Variants in MBNL1 observed in about 807,000 individuals in gnomAD.
MBNL1 encodes the protein muscleblind-like protein 1.
MBNL1 carries 8 observed loss-of-function variants against 42.2 expected under a neutral mutation model. The ratio of observed to expected loss-of-function variants is 0.19; its 90% CI spans 0.11 to 0.34. The LOEUF (loss-of-function observed/expected upper bound fraction) is 0.34. Among genes scored for constraint, MBNL1 ranks in the 10% least tolerant of loss-of-function variants. The pLI is 1.00. For missense variants in MBNL1, 309 were observed against 495.3 expected, an observed-to-expected ratio of 0.62 and a Z score of 3.57; for synonymous variants, 169 against 173.9, an observed-to-expected ratio of 0.97 and a Z score of 0.22.
chr3:152,281,808 A>T (rs908717476), intron 1 of MBNL1, among the ~76,000 whole-genome samples: 1 of 152,156 alleles, frequency 6.6e-6, no homozygotes, highest in African/African-American at 2.4e-5. Flanking sequence ...TCATTTTTTC[A>T]TCACTAAAAC....
chr3:152,341,659 A>G (rs546344357), intron 2 of MBNL1, among the ~76,000 whole-genome samples: 7 of 152,300 alleles, frequency 4.6e-5, no homozygotes, highest in Middle Eastern at 3.4e-3. Flanking sequence ...AATGTTTATA[A>G]TTGAGATTGA....
rs564241603 is a variant in MBNL1 at position 152,431,098 on chromosome 3, C to T, written c.346-1619C>T. Reference sequence around the variant, plus strand: ...TTGTTTCCCAAGCAATTTTTGAGGTCAACAGAAGAGTTCCCTAAGAAAGGC... The same window carrying T: ...TTGTTTCCCAAGCAATTTTTGAGGTTAACAGAAGAGTTCCCTAAGAAAGGC... On this transcript the variant is annotated intron_variant, in intron 3 of 9. Transcript: ENST00000324210. 6.6e-5 allele frequency among the ~76,000 whole-genome samples: 10 copies of T among 152,236 alleles called. No individual in the cohort carries two copies. The South Asian group carries it at 2.1e-3, about 32-fold the overall frequency.
At chr3:152,308,666 T>C (rs531183287) in intron 2 of MBNL1, among the ~76,000 whole-genome samples, 2 of 152,284 alleles carry the variant, frequency 1.3e-5, no homozygotes, top group African/African-American at 4.8e-5. Flanking sequence ...CTGGGCCCTG[T>C]CTACTGCAGA....
chr3:152,439,200 A>G (rs969247837), intron 4 of MBNL1, among the ~76,000 whole-genome samples: 1 of 152,342 alleles, frequency 6.6e-6, no homozygotes, highest in Middle Eastern at 3.4e-3. Context: ...CATTACTTAC[A>G]CAGAAGAATC....
At chr3:152,440,610 C>A (rs2099133863) in intron 4 of MBNL1, among the ~76,000 whole-genome samples, 1 of 152,110 alleles carries the variant, frequency 6.6e-6, no homozygotes, top group Admixed American at 6.5e-5. Context: ...GGGACACAGC[C>A]AAACCATATC....
intron 2 of MBNL1, among the ~76,000 whole-genome samples, chr3:152,361,475 G>A (rs1272274178): frequency 6.6e-6 from 1 of 150,884 alleles, no homozygotes; most frequent in African/African-American, 2.4e-5. Flanking sequence ...TTTAAGTCAA[G>A]GAAGCATGAA....
At chr3:152,337,989 A>ATT (rs11421030) in intron 2 of MBNL1, 1,810 of 665,006 alleles carry the variant, frequency 2.7e-3, no homozygotes, top group South Asian at 4.6e-3. Context: ...GCACCCTGGG[A>ATT]TTTTTTTTTT....
chr3:152,301,807 G>C (rs1009589011), intron 2 of MBNL1: 2 of 152,096 alleles, frequency 1.3e-5, no homozygotes, highest in Non-Finnish European at 2.9e-5. Flanking sequence ...TAGAGACTGA[G>C]ACCCATAAAA....
intron 2 of MBNL1, among the ~76,000 whole-genome samples, chr3:152,259,779 A>G (rs2035967057): frequency 2.6e-5 from 4 of 152,256 alleles, no homozygotes. Flanking sequence ...CAAATGAAGA[A>G]GAATTCAATG....
chr3:152,365,211 T>C (rs1030592578), intron 2 of MBNL1, among the ~76,000 whole-genome samples: 1 of 152,164 alleles, frequency 6.6e-6, no homozygotes, highest in African/African-American at 2.4e-5. Flanking sequence ...CAAAAACGCT[T>C]GTCAGTTCAT....
chr3:152,392,841 T>C (rs1382460702), intron 2 of MBNL1, among the ~76,000 whole-genome samples: 1 of 152,238 alleles, frequency 6.6e-6, no homozygotes, highest in Non-Finnish European at 1.5e-5. Context: ...TTATATGAGA[T>C]GTAAAAATAT....
chr3:152,310,087 T>C (rs1300390949), intron 2 of MBNL1, among the ~76,000 whole-genome samples: 1 of 152,158 alleles, frequency 6.6e-6, no homozygotes, highest in African/African-American at 2.4e-5. Context: ...GCATAGTCAG[T>C]GTAGGAGGAG....
chr3:152,316,311 G>T (rs898835877), intron 2 of MBNL1, among the ~76,000 whole-genome samples: 11 of 152,218 alleles, frequency 7.2e-5, no homozygotes, highest in African/African-American at 2.7e-4. Flanking sequence ...GTTGAAAGTA[G>T]AGAGTGTAAG....
Position 152,365,293 on chromosome 3 carries a change from C to T in MBNL1, c.175-49648C>T, listed in dbSNP as rs543251032. On this transcript the variant is annotated intron_variant, in intron 2 of 9. Transcript: ENST00000324210. ...TTTTTTTTTATAACCCCTCTTATCACTTGATTATGTGAATAGTTACCACAT... is the reference window on the plus strand; with the variant it reads ...TTTTTTTTTATAACCCCTCTTATCATTTGATTATGTGAATAGTTACCACAT... Among the ~76,000 whole-genome samples, 3 of 152,064 alleles carry T rather than the reference C, an allele frequency of 2.0e-5. 1 individual carries two copies. The highest frequency in any genetic ancestry group is 7.2e-5 in the African/African-American group (3 of 41,484).
rs933771023 is a variant in MBNL1 at position 152,269,050 on chromosome 3, C to G, written c.-832C>G. 1 of 455,972 alleles carries G rather than the reference C, an allele frequency of 2.2e-6. No homozygotes were observed. The highest frequency in any genetic ancestry group is 4.4e-6 in the Non-Finnish European group (1 of 226,944). 28.2% of individuals were successfully genotyped at this position (455,972 alleles called of 1,614,324 possible). On this transcript the variant is annotated 5_prime_UTR_variant, in exon 1 of 10. Transcript: ENST00000324210. ...CATGACTCCCACAATGCCTTGGGCACTTGGTCGACAGTGGGGCCGCCTCTG... is the reference window on the plus strand; with the variant it reads ...CATGACTCCCACAATGCCTTGGGCAGTTGGTCGACAGTGGGGCCGCCTCTG...
At chr3:152,283,219 A>G (rs1394998119) in intron 1 of MBNL1, among the ~76,000 whole-genome samples, 3 of 152,190 alleles carry the variant, frequency 2.0e-5, no homozygotes, top group Non-Finnish European at 4.4e-5. Flanking sequence ...AATGAGCTTT[A>G]CTTGGTGGGG....
At chr3:152,448,461 C>T (rs891221904) in intron 6 of MBNL1, among the ~76,000 whole-genome samples, 10 of 152,028 alleles carry the variant, frequency 6.6e-5, no homozygotes, top group African/African-American at 1.9e-4. Flanking sequence ...ATTTAATTAC[C>T]TGGAAATTTA....
At chr3:152,366,505 A>G (rs1398253237) in intron 2 of MBNL1, among the ~76,000 whole-genome samples, 1 of 152,184 alleles carries the variant, frequency 6.6e-6, no homozygotes, top group Non-Finnish European at 1.5e-5. Flanking sequence ...TTGAATGTTG[A>G]TGCTATGGAA....
chr3:152,350,973 A>G (rs1033588050), intron 2 of MBNL1, among the ~76,000 whole-genome samples: 2 of 152,152 alleles, frequency 1.3e-5, no homozygotes, highest in Non-Finnish European at 2.9e-5. Flanking sequence ...CCTATCGATC[A>G]TAGTACAAGG....
Sources: allele counts gnomAD v4.1 joint callset (sites outside exome capture counted in the v4.1 genomes callset), GRCh38; gene constraint gnomAD v4.1.1; transcripts MANE v1.5; gene names NCBI Gene and HGNC (gene_info 2026-07-23, HGNC 2026-07-21).